GRHL1: variants seen among roughly 807,000 people sequenced by gnomAD.
The protein encoded by GRHL1 is grainyhead-like protein 1 homolog.
Under a neutral mutation model 75.7 loss-of-function variants are expected in GRHL1, and 38 were observed. That is an observed-to-expected ratio of 0.50 (90% CI 0.39 to 0.66). GRHL1 has a LOEUF of 0.66. GRHL1 is among the 30% of genes least tolerant of loss of function. The pLI is 0.00. For synonymous variants in GRHL1, 266 were observed against 279.4 expected (o/e 0.95, Z 0.48); for missense variants, 589 against 767.5 (o/e 0.77, Z 2.75).
At chr2:9,974,544 C>G (rs557373038) in intron 8 of GRHL1, among the ~76,000 whole-genome samples, 1 of 145,968 alleles carries the variant, frequency 6.9e-6, no homozygotes, top group African/African-American at 2.7e-5. Flanking sequence ...TGTGGGCCAG[C>G]AGGCACTCAG....
At chr2:9,958,983 A>C in intron 3 of GRHL1, 127 bp downstream of exon 3, 1 of 1,365,346 alleles carries the variant, frequency 7.3e-7, no homozygotes, top group Non-Finnish European at 9.7e-7. Context: ...GACTCTTACT[A>C]TCTAAATTCA....
chr2:9,957,685 A>C (rs1038279909), intron 2 of GRHL1, among the ~76,000 whole-genome samples: 11 of 151,976 alleles, frequency 7.2e-5, no homozygotes, highest in Non-Finnish European at 1.2e-4. Context: ...CTGGGATTAC[A>C]GGCGTGAGCC....
intron 8 of GRHL1, among the ~76,000 whole-genome samples, chr2:9,969,596 G>A (rs537605456): frequency 1.3e-5 from 2 of 152,302 alleles, no homozygotes; most frequent in African/African-American, 4.8e-5. Flanking sequence ...TAACATTTAA[G>A]CACAGAGGAG....
chr2:9,990,931 G>C lies in GRHL1; in HGVS notation c.1321+184G>C, dbSNP rs55881907. On this transcript the variant is annotated intron_variant, in intron 10 of 15. Coordinates refer to ENST00000324907, the MANE Select transcript of GRHL1 (RefSeq NM_198182.3). This position sits in a 1 kb window ranked among gnomAD's most constrained non-coding sequence, Gnocchi z 4.2. ...ATCAGCAGCAGATGCCAGCTCAGCG[G>C]GAGGGGTTTTCCTGGGGACTACAGG... is the stretch of plus-strand genomic sequence containing the variant. Among the ~76,000 whole-genome samples, 4,351 of 139,638 alleles carry C rather than the reference G, an allele frequency of 0.031. 185 individuals carry two copies. The highest frequency in any genetic ancestry group is 0.11 in the African/African-American group (4,080 of 36,714). The allele number at this position is 139,638 out of a possible 152,430, so 91.6% of individuals were successfully genotyped here.
At chr2:9,973,044 A>G (rs1471948171) in intron 8 of GRHL1, among the ~76,000 whole-genome samples, 3 of 152,046 alleles carry the variant, frequency 2.0e-5, no homozygotes. Context: ...ATGTGGGAAG[A>G]TTTCAAGTTA....
intron 8 of GRHL1, among the ~76,000 whole-genome samples, chr2:9,975,224 T>C (rs1164446377): frequency 2.0e-5 from 3 of 152,214 alleles, no homozygotes; most frequent in Non-Finnish European, 4.4e-5. Flanking sequence ...CATCTGTAAA[T>C]GCACCATTGA....
rs2125216888 is a variant in GRHL1 at position 9,968,193 on chromosome 2, C to T, written c.1110+2812C>T. 6.6e-6 allele frequency among the ~76,000 whole-genome samples: 1 copy of T among 152,318 alleles called. No individual in the cohort carries two copies. Among genetic ancestry groups the T allele is most frequent in the South Asian group, 2.1e-4 (1 of 4,830 alleles). On this transcript the variant is annotated intron_variant, in intron 8 of 15. Coordinates refer to ENST00000324907, the MANE Select transcript of GRHL1 (RefSeq NM_198182.3). The surrounding 1 kb of genome is among the most constrained non-coding windows in gnomAD (Gnocchi z 4.7). Reference sequence around the variant, plus strand: ...CTTACATTCCACTTTGGGAAAAACACTGACGAAGCTAGGACCTATCTTACA... The same window carrying T: ...CTTACATTCCACTTTGGGAAAAACATTGACGAAGCTAGGACCTATCTTACA...
intron 1 of GRHL1, among the ~76,000 whole-genome samples, chr2:9,952,072 G>C (rs886931856): frequency 4.0e-5 from 6 of 151,012 alleles, no homozygotes; most frequent in Non-Finnish European, 7.4e-5. Flanking sequence ...CCCTGTCCTC[G>C]GGGAAACTCG....
At position 9,951,759 on chromosome 2, in the gene GRHL1, T is replaced by G. The variant is rs1422487246; in HGVS notation, c.-75T>G. ...CGGACCCGCAGCCGCCGCCGCCGCC[T>G]CCTCCCCCCGGATCGGGTGTACTGT... On this transcript the variant is annotated 5_prime_UTR_variant, in exon 1 of 16. Transcript: ENST00000324907. This position sits in a 1 kb window ranked among gnomAD's most constrained non-coding sequence, Gnocchi z 4.2. 7.2e-7 allele frequency: 1 copy of G among 1,385,380 alleles called. No individual in the cohort carries two copies. The highest frequency in any genetic ancestry group is 9.7e-7 in the Non-Finnish European group (1 of 1,031,770). 85.8% of individuals were successfully genotyped at this position (1,385,380 alleles called of 1,614,324 possible).
intron 8 of GRHL1, among the ~76,000 whole-genome samples, chr2:9,985,036 C>T (rs1044905367): frequency 1.3e-5 from 2 of 151,268 alleles, no homozygotes; most frequent in East Asian, 3.9e-4. Flanking sequence ...CCACCACACT[C>T]CAGCCTGGGT....
At chr2:9,963,333 G>A (rs1667352312) in intron 5 of GRHL1, among the ~76,000 whole-genome samples, 1 of 152,226 alleles carries the variant, frequency 6.6e-6, no homozygotes, top group South Asian at 2.1e-4. Context: ...ATGTGGCTAT[G>A]TGCTAATAAA....
intron 8 of GRHL1, among the ~76,000 whole-genome samples, chr2:9,981,658 G>A (rs1668203246): frequency 1.3e-5 from 2 of 152,148 alleles, no homozygotes; most frequent in South Asian, 2.1e-4. Context: ...AAAAATAGTC[G>A]CTTCTGATTT....
Position 9,958,166 on chromosome 2 carries a change from CT to C in GRHL1, c.208-613del, listed in dbSNP as rs1180405173. 1.2e-4 allele frequency among the ~76,000 whole-genome samples: 17 copies of C among 136,368 alleles called. No individual in the cohort carries two copies. In the South Asian group the frequency reaches 3.8e-3, roughly 30 times the overall value. 89.5% of individuals were successfully genotyped at this position (136,368 alleles called of 152,430 possible). ...GAGTAAAACCAGGGCAGAGGTATTT[CT>C]TTTTTTCTTTTTTTTTTTTTTTTTG... On this transcript the variant is annotated intron_variant, in intron 2 of 15. Transcript: ENST00000324907.
Position 9,998,671 on chromosome 2 carries a change from C to T in GRHL1, c.1678-294C>T, listed in dbSNP as rs867160424. The stretch of plus-strand genomic sequence containing the variant: ...ATATACATATACATATATATGTACA[C>T]ATATATATACATATATATGTACACA... On this transcript the variant is annotated intron_variant, in intron 14 of 15. Coordinates refer to ENST00000324907, the MANE Select transcript of GRHL1 (RefSeq NM_198182.3). 1.4e-4 allele frequency among the ~76,000 whole-genome samples: 8 copies of T among 58,924 alleles called. 1 individual carries two copies. Among genetic ancestry groups the T allele is most frequent in the Non-Finnish European group, 2.3e-4 (8 of 34,640 alleles). 38.7% of individuals were successfully genotyped at this position (58,924 alleles called of 152,430 possible).
chr2:9,954,837 A>G, intron 1 of GRHL1, 78 bp from the exon 2 acceptor site: 1 of 1,145,834 alleles, frequency 8.7e-7, no homozygotes, highest in African/African-American at 1.5e-5. Context: ...TTTTATAGGA[A>G]TGTCAAGGAA....
chr2:9,991,931 A>G, intron 10 of GRHL1, 76 bp from the exon 11 acceptor site: 1 of 1,161,478 alleles, frequency 8.6e-7, no homozygotes, highest in Non-Finnish European at 1.2e-6. Context: ...AGAGGCGAGC[A>G]CTCTGTGGCC....
chr2:9,982,321 C>G (rs1668232615), intron 8 of GRHL1, among the ~76,000 whole-genome samples: 1 of 151,782 alleles, frequency 6.6e-6, no homozygotes, highest in Admixed American at 6.6e-5. Context: ...GTATAAGCAG[C>G]TAGAAGACTA....
At chr2:9,988,556 C>T (rs570604197) in intron 9 of GRHL1, among the ~76,000 whole-genome samples, 16 of 152,084 alleles carry the variant, frequency 1.1e-4, no homozygotes, top group Non-Finnish European at 2.1e-4. Context: ...CTGAAGATCT[C>T]GGAGCTCTTT....
At chr2:9,979,790 T>C (rs1418920431) in intron 8 of GRHL1, among the ~76,000 whole-genome samples, 1 of 152,244 alleles carries the variant, frequency 6.6e-6, no homozygotes, top group East Asian at 1.9e-4. Flanking sequence ...TACCCTGATA[T>C]GTATTAAACA....
Sources: allele counts gnomAD v4.1 joint callset (sites outside exome capture counted in the v4.1 genomes callset), GRCh38; gene constraint gnomAD v4.1.1; non-coding constraint Gnocchi (gnomAD v3.1); transcripts MANE v1.5; gene names NCBI Gene and HGNC (gene_info 2026-07-23, HGNC 2026-07-21).